The following CYP2J2 variants were observed in gnomAD, a reference collection of about 807,000 sequenced individuals.
CYP2J2 encodes cytochrome P450 2J2.
In CYP2J2, 41 loss-of-function variants were observed where a neutral mutation model predicts 48.8. The observed-to-expected ratio is 0.84, with a 90% CI of 0.66 to 1.09. The LOEUF (loss-of-function observed/expected upper bound fraction) is 1.09. Among genes scored for constraint, CYP2J2 ranks in the 50% least tolerant of loss-of-function variants. The probability of loss-of-function intolerance (pLI) is 0.00; values close to 1 mark genes in which losing one functional copy is unlikely to be tolerated. For synonymous variants in CYP2J2, 221 were observed against 227.1 expected (o/e 0.97, Z 0.24); for missense variants, 644 against 617.3 (o/e 1.04, Z -0.46).
At chr1:59,904,675 A>C (rs1002145383) in intron 7 of CYP2J2, among the ~76,000 whole-genome samples, 196 bp downstream of exon 7, 2 of 152,172 alleles carry the variant, frequency 1.3e-5, no homozygotes, top group African/African-American at 4.8e-5. Context: ...TTAACGTAGG[A>C]ATCCTTCCTG....
the CYP2J2 span, among the ~76,000 whole-genome samples, chr1:59,949,117 C>T: frequency 3.3e-5 from 5 of 152,054 alleles, no homozygotes; most frequent in Non-Finnish European, 7.4e-5. Context: ...CAGGCTGATC[C>T]AACTCCTCCT....
At chr1:59,941,412 G>A in the CYP2J2 span, among the ~76,000 whole-genome samples, 20 of 152,150 alleles carry the variant, frequency 1.3e-4, 1 homozygote, top group Admixed American at 1.3e-3. Flanking sequence ...TCATATAAAA[G>A]TATAATACAA....
At chr1:59,950,886 T>C in the CYP2J2 span, among the ~76,000 whole-genome samples, 1 of 152,186 alleles carries the variant, frequency 6.6e-6, no homozygotes, top group African/African-American at 2.4e-5. Context: ...TGGAATTCTT[T>C]TCCATGTTGG....
the CYP2J2 span, among the ~76,000 whole-genome samples, chr1:59,936,941 T>C: frequency 2.0e-5 from 3 of 152,252 alleles, no homozygotes; most frequent in Non-Finnish European, 4.4e-5. Context: ...GGTTACTTAT[T>C]GGTTTATAAA....
chr1:59,916,123 C>T (rs773094231), intron 1 of CYP2J2, 23 bp from the exon 2 acceptor site: 52 of 1,597,442 alleles, frequency 3.3e-5, no homozygotes, highest in Admixed American at 1.7e-5. Context: ...TAAATCGTAA[C>T]AGTTGAATAT....
At chr1:59,968,344 C>A in the CYP2J2 span, among the ~76,000 whole-genome samples, 1 of 152,124 alleles carries the variant, frequency 6.6e-6, no homozygotes, top group East Asian at 1.9e-4. Context: ...CTCCTCAAAC[C>A]CTTGCTTTTT....
At chr1:59,906,718 T>C (rs1644368199) in intron 6 of CYP2J2, among the ~76,000 whole-genome samples, 1 of 152,178 alleles carries the variant, frequency 6.6e-6, no homozygotes, top group African/African-American at 2.4e-5. Flanking sequence ...TGATAACTCA[T>C]GTAAGTGGAA....
chr1:59,932,529 A>G, the CYP2J2 span, among the ~76,000 whole-genome samples: 1 of 152,182 alleles, frequency 6.6e-6, no homozygotes, highest in East Asian at 1.9e-4. Flanking sequence ...AGTAGTAAAA[A>G]GCAAAAATTG....
the CYP2J2 span, among the ~76,000 whole-genome samples, chr1:59,937,749 G>A: frequency 2.0e-5 from 3 of 151,796 alleles, no homozygotes; most frequent in African/African-American, 7.3e-5. Context: ...ATGCTTTATT[G>A]TGTTTTATTC....
At chr1:59,933,474 G>C in the CYP2J2 span, among the ~76,000 whole-genome samples, 1 of 152,092 alleles carries the variant, frequency 6.6e-6, no homozygotes, top group Non-Finnish European at 1.5e-5. Flanking sequence ...ATCCCTTTCA[G>C]ATTGTTTGTT....
chr1:59,942,298 A>G, the CYP2J2 span, among the ~76,000 whole-genome samples: 1 of 152,162 alleles, frequency 6.6e-6, no homozygotes, highest in Non-Finnish European at 1.5e-5. Context: ...GAATGCCAAG[A>G]AGGAGCCAGA....
At chr1:59,959,776 C>T in the CYP2J2 span, among the ~76,000 whole-genome samples, 2 of 151,998 alleles carry the variant, frequency 1.3e-5, no homozygotes, top group Admixed American at 1.3e-4. Context: ...GACCATTATT[C>T]TAAGTGAAGT....
At chr1:59,934,626 C>G in the CYP2J2 span, among the ~76,000 whole-genome samples, 1 of 151,866 alleles carries the variant, frequency 6.6e-6, no homozygotes, top group Admixed American at 6.6e-5. Flanking sequence ...CACTAATCAT[C>G]AAGGAAATGC....
intron 1 of CYP2J2, among the ~76,000 whole-genome samples, chr1:59,924,148 T>C (rs1222847505): frequency 1.3e-5 from 2 of 152,166 alleles, no homozygotes; most frequent in East Asian, 1.9e-4. Context: ...AGAAGAAGCA[T>C]AAACTTTTAA....
At chr1:59,945,655 AAAT>A in the CYP2J2 span, among the ~76,000 whole-genome samples, 1 of 152,148 alleles carries the variant, frequency 6.6e-6, no homozygotes, top group Non-Finnish European at 1.5e-5. Context: ...GCTATTCTTT[AAAT>A]TTCAATTTTC....
At chr1:59,963,052 GT>G in the CYP2J2 span, among the ~76,000 whole-genome samples, 1 of 152,008 alleles carries the variant, frequency 6.6e-6, no homozygotes, top group African/African-American at 2.4e-5. Flanking sequence ...AGAACATTTT[GT>G]TTTTAAATAG....
intron 5 of CYP2J2, among the ~76,000 whole-genome samples, chr1:59,908,308 C>T (rs1172576438): frequency 1.3e-5 from 2 of 152,146 alleles, no homozygotes; most frequent in Non-Finnish European, 2.9e-5. Flanking sequence ...TCTTCAGTTT[C>T]CTGTTTTATA....
the CYP2J2 span, among the ~76,000 whole-genome samples, chr1:59,937,619 G>T: frequency 3.3e-5 from 5 of 151,990 alleles, no homozygotes; most frequent in African/African-American, 1.2e-4. Context: ...TAGGTTTGGG[G>T]AGCTCTTTGT....
At chr1:59,915,871 G>C (rs536330616) in intron 2 of CYP2J2, 67 bp downstream of exon 2, 2 of 1,440,410 alleles carry the variant, frequency 1.4e-6, no homozygotes, top group African/African-American at 2.9e-5. Flanking sequence ...CAGTCACCAA[G>C]GTGCCTTTAA....
Sources: allele counts gnomAD v4.1 joint callset (sites outside exome capture counted in the v4.1 genomes callset), GRCh38; gene constraint gnomAD v4.1.1; transcripts MANE v1.5; gene names NCBI Gene and HGNC (gene_info 2026-07-23, HGNC 2026-07-21).